Variants in CERKL observed in about 807,000 individuals in gnomAD.
The protein encoded by CERKL is ceramide kinase-like protein.
CERKL carries 61 observed loss-of-function variants against 63.4 expected under a neutral mutation model. That is an observed-to-expected ratio of 0.96 (90% CI 0.78 to 1.19). The LOEUF (loss-of-function observed/expected upper bound fraction) is 1.19, where lower values mean the gene tolerates loss of function less well. CERKL is among the 50% of genes most tolerant of loss of function. The probability of loss-of-function intolerance (pLI) is 0.00; values close to 1 mark genes in which losing one functional copy is unlikely to be tolerated. For missense variants in CERKL, 675 were observed against 655.5 expected, an observed-to-expected ratio of 1.03 and a Z score of -0.33; for synonymous variants, 250 against 230.5, an observed-to-expected ratio of 1.08 and a Z score of -0.77.
intron 1 of CERKL, among the ~76,000 whole-genome samples, chr2:181,621,646 T>C (rs1686456328): frequency 6.6e-6 from 1 of 152,204 alleles, no homozygotes; most frequent in African/African-American, 2.4e-5. Context: ...AGTACTATGA[T>C]AAGAAGCCAA....
intron 2 of CERKL, among the ~76,000 whole-genome samples, chr2:181,580,492 CCATT>C (rs576401453): frequency 1.4e-3 from 212 of 152,146 alleles, no homozygotes; most frequent in Non-Finnish European, 2.3e-3. Context: ...AATGTTCATA[CCATT>C]CATTTTCTTC....
intron 1 of CERKL, among the ~76,000 whole-genome samples, chr2:181,640,584 A>C (rs115887004): frequency 6.6e-6 from 1 of 152,220 alleles, no homozygotes; most frequent in Admixed American, 6.5e-5. Context: ...CAATGAATTT[A>C]TCTACTACAT....
chr2:181,604,401 T>C (rs1295742523), intron 1 of CERKL, among the ~76,000 whole-genome samples: 1 of 152,196 alleles, frequency 6.6e-6, no homozygotes. Flanking sequence ...AATTCATCAT[T>C]TGTAATTTTA....
intron 2 of CERKL, among the ~76,000 whole-genome samples, chr2:181,598,443 C>A (rs1685312065): frequency 6.6e-6 from 1 of 152,024 alleles, no homozygotes; most frequent in Admixed American, 6.5e-5. Flanking sequence ...GGAGCTAGTG[C>A]ACCTCCCCCT....
At chr2:181,625,338 C>T (rs1372936585) in intron 1 of CERKL, among the ~76,000 whole-genome samples, 1 of 150,390 alleles carries the variant, frequency 6.6e-6, no homozygotes, top group Non-Finnish European at 1.5e-5. Flanking sequence ...TATAAGTTAT[C>T]TAGCTAGAAA....
In CERKL at chr2:181,548,788, G is replaced by T; in HGVS notation, c.965C>A (p.Ala322Asp). 6.2e-7 allele frequency: 1 copy of T among 1,614,026 alleles called. No homozygotes were observed. Among genetic ancestry groups the T allele is most frequent in the Non-Finnish European group, 8.5e-7 (1 of 1,179,964 alleles). ...AGTTCTTCCACCAAAGCCAAACATG[G>T]CTGAGAACCCAAAGCGAAGAAGCTT... ...AGKLLRFGFS[A>D]MFGFGGRTLA... Residue 322 changes from alanine (A) to aspartate (D), a missense_variant, in exon 7 of 13, where the codon GCC becomes GAC. By Grantham distance (126) the Ala-to-Asp change is moderately radical. Transcript: ENST00000410087.
intron 5 of CERKL, among the ~76,000 whole-genome samples, chr2:181,552,438 T>C (rs1392708178): frequency 6.6e-6 from 1 of 152,164 alleles, no homozygotes; most frequent in African/African-American, 2.4e-5. Context: ...CCCACTTCAC[T>C]CAGCATTTCT....
chr2:181,610,507 T>C lies in CERKL; in HGVS notation c.239-6428A>G, dbSNP rs570932272. ...CTGAAGCAATATTCATGCTCTTCAA[T>C]AGGAGAATGGTTGAATAAATCATAG... On this transcript the variant is annotated intron_variant, in intron 1 of 12. Transcript: ENST00000410087. 3.9e-5 allele frequency among the ~76,000 whole-genome samples: 6 copies of C among 152,340 alleles called. No homozygotes were observed. The East Asian group carries it at 1.2e-3, about 29-fold the overall frequency.
At chr2:181,612,651 A>G (rs1350575357) in intron 1 of CERKL, among the ~76,000 whole-genome samples, 2 of 152,112 alleles carry the variant, frequency 1.3e-5, no homozygotes, top group African/African-American at 4.8e-5. Flanking sequence ...TTTAAAAAAA[A>G]CTAATGTATG....
rs191680775 is a variant in CERKL, at chr2:181,537,479, A to G, written c.*705T>C. The G allele has an allele frequency of 4.4e-6, 2 of 452,746 alleles. No homozygotes were observed. The highest frequency in any genetic ancestry group is 4.0e-5 in the African/African-American group (2 of 49,630). 28.0% of individuals were successfully genotyped at this position (452,746 alleles called of 1,614,324 possible). ...ACCCTACCACTTTAAGAAGACAGGG[A>G]TGGGTTATTCTTTTTTGGCAGGTAG... On this transcript the variant is annotated 3_prime_UTR_variant, in exon 13 of 13. Transcript: ENST00000410087.
chr2:181,637,912 CA>C lies in CERKL; in HGVS notation c.238+18856del, dbSNP rs781381927. Among the ~76,000 whole-genome samples, 429 of 144,036 alleles carry C rather than the reference CA, an allele frequency of 3.0e-3. 1 individual carries two copies. The highest frequency in any genetic ancestry group is 3.7e-3 in the Admixed American group (54 of 14,482). The allele number at this position is 144,036 out of a possible 152,430, so 94.5% of individuals were successfully genotyped here. A position where few individuals can be genotyped will look rare whatever the true frequency, so the allele number is the denominator to read the frequency against. ...TCCCTAGTAGTGTACACTCTATGAACAAAAAAAAAAATTGCAGGACTATCTT... is the reference window on the plus strand; with the variant it reads ...TCCCTAGTAGTGTACACTCTATGAACAAAAAAAAAATTGCAGGACTATCTT... On this transcript the variant is annotated intron_variant, in intron 1 of 12. Coordinates refer to ENST00000410087, the MANE Select transcript of CERKL (RefSeq NM_201548.5).
intron 2 of CERKL, among the ~76,000 whole-genome samples, chr2:181,597,932 T>C (rs1046487724): frequency 6.6e-6 from 1 of 152,046 alleles, no homozygotes; most frequent in African/African-American, 2.4e-5. Flanking sequence ...CCAAAACCCC[T>C]TTGGGACAAA....
At chr2:181,627,916 G>A (rs113061057) in intron 1 of CERKL, among the ~76,000 whole-genome samples, 9 of 152,182 alleles carry the variant, frequency 5.9e-5, no homozygotes, top group African/African-American at 2.2e-4. Flanking sequence ...TGATGAAGGA[G>A]CTGTTAGGAA....
chr2:181,626,046 C>T (rs1686688899), intron 1 of CERKL, among the ~76,000 whole-genome samples: 1 of 151,110 alleles, frequency 6.6e-6, no homozygotes, highest in Non-Finnish European at 1.5e-5. Context: ...TGAGGAAGGA[C>T]AGATAAGCTT....
intron 1 of CERKL, among the ~76,000 whole-genome samples, chr2:181,651,358 T>G (rs1687929851): frequency 6.6e-6 from 1 of 152,200 alleles, no homozygotes; most frequent in Non-Finnish European, 1.5e-5. Context: ...ATCAGAGGCA[T>G]GCAAGAATGG....
chr2:181,645,155 C>T (rs767037870), intron 1 of CERKL, among the ~76,000 whole-genome samples: 6 of 151,968 alleles, frequency 3.9e-5, no homozygotes, highest in Admixed American at 6.6e-5. Flanking sequence ...TATATACTGG[C>T]GATTCATTTA....
intron 5 of CERKL, among the ~76,000 whole-genome samples, chr2:181,554,741 T>C (rs1037329380): frequency 6.6e-6 from 1 of 152,096 alleles, no homozygotes; most frequent in Non-Finnish European, 1.5e-5. Flanking sequence ...TACTAAACAC[T>C]CTCCCTCTGG....
Position 181,547,733 on chromosome 2 carries a change from G to C in CERKL, c.1160-7C>G, listed in dbSNP as rs1178315482. On this transcript the variant is annotated splice_polypyrimidine_tract_variant and splice_region_variant and intron_variant, in intron 9 of 12. Transcript: ENST00000410087. ...TGCCATTGATCATTACAGTCTAAAG[G>C]TAATGAAAGTGATTGGTTATTTTCC... 9.3e-6 allele frequency: 15 copies of C among 1,613,614 alleles called. No individual in the cohort carries two copies. The highest frequency in any genetic ancestry group is 1.1e-5 in the South Asian group (1 of 91,074).
intron 1 of CERKL, among the ~76,000 whole-genome samples, chr2:181,637,750 T>C (rs527970259): frequency 1.3e-5 from 2 of 152,168 alleles, no homozygotes; most frequent in Admixed American, 1.3e-4. Flanking sequence ...AATTATAAAA[T>C]TGATTTTTAA....
Sources: gnomAD v4.1 joint callset for allele counts (sites outside exome capture counted in the v4.1 genomes callset) on GRCh38, gnomAD v4.1.1 for gene constraint, MANE v1.5 for transcripts, NCBI Gene and HGNC (gene_info 2026-07-23, HGNC 2026-07-21) for gene names.